Variants in DLG2 observed in about 807,000 individuals in gnomAD.
DLG2 encodes the protein discs large MAGUK scaffold protein 2.
Under a neutral mutation model 132.5 loss-of-function variants are expected in DLG2, and 45 were observed. The observed-to-expected ratio is 0.34, with a 90% confidence interval of 0.27 to 0.44. The LOEUF is 0.44. DLG2 is among the 20% of genes least tolerant of loss of function. DLG2 has a pLI of 1.00. For synonymous variants in DLG2, 424 were observed against 419.6 expected (o/e 1.01, Z -0.13); for missense variants, 1,045 against 1,196.9 (o/e 0.87, Z 1.87).
At chr11:84,607,710 C>T (rs1263254464) in intron 6 of DLG2, among the ~76,000 whole-genome samples, 1 of 151,948 alleles carries the variant, frequency 6.6e-6, no homozygotes, top group East Asian at 1.9e-4. Context: ...CTATCTCTGA[C>T]TTTAATCAGG....
chr11:83,989,669 A>T (rs1350079867), intron 11 of DLG2, among the ~76,000 whole-genome samples: 1 of 152,198 alleles, frequency 6.6e-6, no homozygotes, highest in Non-Finnish European at 1.5e-5. Context: ...CTAAAGAGTC[A>T]ACCGTCCTGA....
At chr11:85,414,908 C>G (rs551266636) in intron 3 of DLG2, among the ~76,000 whole-genome samples, 4 of 151,970 alleles carry the variant, frequency 2.6e-5, no homozygotes, top group Admixed American at 6.6e-5. Context: ...ATGTGCAGAA[C>G]GTGCAGATTT....
intron 7 of DLG2, among the ~76,000 whole-genome samples, chr11:84,521,830 G>A (rs1396181468): frequency 6.6e-6 from 1 of 152,124 alleles, no homozygotes; most frequent in South Asian, 2.1e-4. Context: ...ATAGTCCACT[G>A]AGAAAATAAA....
intron 6 of DLG2, among the ~76,000 whole-genome samples, chr11:84,567,890 G>C (rs1043944656): frequency 2.0e-5 from 3 of 152,126 alleles, no homozygotes; most frequent in African/African-American, 7.2e-5. Flanking sequence ...AATCTAAAAA[G>C]GGTAAGAAGA....
At chr11:84,953,191 T>A (rs938927139) in intron 6 of DLG2, among the ~76,000 whole-genome samples, 1 of 152,198 alleles carries the variant, frequency 6.6e-6, no homozygotes, top group Non-Finnish European at 1.5e-5. Flanking sequence ...TGAGGTGGAA[T>A]TGGGGGTGTT....
intron 7 of DLG2, among the ~76,000 whole-genome samples, chr11:84,448,760 A>C (rs547966932): frequency 1.3e-5 from 2 of 152,156 alleles, no homozygotes; most frequent in South Asian, 4.1e-4. Context: ...CTTTGAGCTT[A>C]TGTTTCCCTC....
chr11:84,675,760 C>T (rs974293463), intron 6 of DLG2, among the ~76,000 whole-genome samples: 54 of 152,078 alleles, frequency 3.6e-4, no homozygotes. Flanking sequence ...CACTTCTCAT[C>T]CCTTTTACAC....
At chr11:84,721,827 T>C (rs947947539) in intron 6 of DLG2, among the ~76,000 whole-genome samples, 50 of 152,190 alleles carry the variant, frequency 3.3e-4, no homozygotes, top group African/African-American at 1.1e-3. Flanking sequence ...TGTAACTAGA[T>C]GGTATTAACC....
intron 9 of DLG2, among the ~76,000 whole-genome samples, chr11:84,124,594 C>T (rs1379650001): frequency 6.6e-6 from 1 of 152,162 alleles, no homozygotes; most frequent in Non-Finnish European, 1.5e-5. Context: ...CTCTCTCCTT[C>T]CCATTTTCTC....
chr11:85,442,024 G>A (rs2091804744), intron 3 of DLG2, among the ~76,000 whole-genome samples: 1 of 151,914 alleles, frequency 6.6e-6, no homozygotes, highest in Non-Finnish European at 1.5e-5. Flanking sequence ...ATCCCATACA[G>A]AAGAAAAAAT....
chr11:84,760,596 A>G (rs1294429555), intron 6 of DLG2, among the ~76,000 whole-genome samples: 1 of 152,154 alleles, frequency 6.6e-6, no homozygotes, highest in Non-Finnish European at 1.5e-5. Context: ...GCCCCACAAC[A>G]CTGTGCACAC....
chr11:84,389,786 A>C (rs962011355), intron 7 of DLG2, among the ~76,000 whole-genome samples: 5 of 152,142 alleles, frequency 3.3e-5, no homozygotes, highest in Admixed American at 3.3e-4. Flanking sequence ...TAATTCCTAC[A>C]GTAAGAAATG....
rs1391290244 is a variant in DLG2 at position 85,566,866 on chromosome 11, C to A, written c.40+31791G>T. On this transcript the variant is annotated intron_variant, in intron 3 of 27. Transcript: ENST00000376104. The stretch of plus-strand genomic sequence containing the variant: ...TTTGTTATATAATGTGGAGTAGGGA[C>A]CCAAATTCATTATTTTTCATGGAGC... Among the ~76,000 whole-genome samples the A allele has an allele frequency of 2.6e-5, 4 of 152,018 alleles. No individual in the cohort carries two copies. In the East Asian group the frequency reaches 7.7e-4, roughly 29 times the overall value.
chr11:84,298,699 A>C (rs942347033), intron 7 of DLG2, among the ~76,000 whole-genome samples: 3 of 152,238 alleles, frequency 2.0e-5, no homozygotes, highest in Admixed American at 6.5e-5. Flanking sequence ...TGAAGCCCTC[A>C]AATAAGATAA....
intron 18 of DLG2, among the ~76,000 whole-genome samples, chr11:83,709,281 A>G (rs1438555091): frequency 6.7e-6 from 1 of 148,698 alleles, no homozygotes; most frequent in Non-Finnish European, 1.5e-5. Context: ...GTATATATAC[A>G]TATATGTACA....
intron 6 of DLG2, among the ~76,000 whole-genome samples, chr11:85,090,462 T>C (rs987678285): frequency 1.3e-5 from 2 of 152,198 alleles, no homozygotes; most frequent in African/African-American, 2.4e-5. Flanking sequence ...ACTGGACGTC[T>C]CTCAATTTCC....
intron 4 of DLG2, among the ~76,000 whole-genome samples, chr11:85,255,050 C>A (rs994223424): frequency 2.6e-5 from 4 of 151,020 alleles, no homozygotes; most frequent in Non-Finnish European, 3.0e-5. Context: ...GTTGAAGAAT[C>A]AAATAATTTT....
intron 6 of DLG2, among the ~76,000 whole-genome samples, chr11:85,078,407 A>C (rs983088564): frequency 6.6e-6 from 1 of 151,692 alleles, no homozygotes; most frequent in Non-Finnish European, 1.5e-5. Context: ...GCAAGTGTAA[A>C]GGCTTTGAGG....
At chr11:83,648,694 A>G (rs78215103) in intron 18 of DLG2, among the ~76,000 whole-genome samples, 2,305 of 152,238 alleles carry the variant, frequency 0.015, 71 homozygotes, top group African/African-American at 0.052. Flanking sequence ...TACTACTACA[A>G]TATTGCCTAC....
Sources: gnomAD v4.1 joint callset for allele counts (sites outside exome capture counted in the v4.1 genomes callset) on GRCh38, gnomAD v4.1.1 for gene constraint, MANE v1.5 for transcripts, NCBI Gene and HGNC (gene_info 2026-07-23, HGNC 2026-07-21) for gene names.